SHOC2: variants seen among roughly 807,000 people sequenced by gnomAD.
SHOC2 encodes leucine-rich repeat protein SHOC-2.
Under a neutral mutation model 50.2 loss-of-function variants are expected in SHOC2, and 4 were observed. The ratio of observed to expected loss-of-function variants is 0.08; its 90% CI spans 0.04 to 0.18. The LOEUF (loss-of-function observed/expected upper bound fraction) is 0.18, where lower values mean the gene tolerates loss of function less well. Ranked by LOEUF, SHOC2 falls within the 10% of genes least tolerant of loss-of-function variation. The pLI, the probability that SHOC2 is intolerant of heterozygous loss-of-function variation, is 1.00. For missense variants in SHOC2, 388 were observed against 669.6 expected, an observed-to-expected ratio of 0.58 and a Z score of 4.64; for synonymous variants, 218 against 244.5, an observed-to-expected ratio of 0.89 and a Z score of 1.01.
intron 1 of SHOC2, among the ~76,000 whole-genome samples, chr10:110,940,440 G>A (rs1299019521): frequency 6.6e-6 from 1 of 152,150 alleles, no homozygotes; most frequent in Non-Finnish European, 1.5e-5. Flanking sequence ...TCAAAAGTCA[G>A]CATATACGTG....
intron 1 of SHOC2, among the ~76,000 whole-genome samples, chr10:110,924,353 A>C (rs1202765078): frequency 6.6e-6 from 1 of 152,210 alleles, no homozygotes; most frequent in Non-Finnish European, 1.5e-5. Flanking sequence ...TAAGACTCAC[A>C]CTGCACGTAT....
intron 6 of SHOC2, among the ~76,000 whole-genome samples, chr10:111,008,793 A>G (rs1165605668): frequency 6.6e-6 from 1 of 152,112 alleles, no homozygotes; most frequent in Non-Finnish European, 1.5e-5. Context: ...AACAAAGGCT[A>G]TCTTCTCTGC....
intron 2 of SHOC2, among the ~76,000 whole-genome samples, chr10:110,966,172 T>C (rs552304301): frequency 3.9e-5 from 6 of 152,258 alleles, no homozygotes; most frequent in African/African-American, 1.2e-4. Context: ...AGGTATGACT[T>C]GTTACATTTA....
intron 3 of SHOC2, among the ~76,000 whole-genome samples, chr10:110,991,715 T>C (rs1848189630): frequency 6.6e-6 from 1 of 152,236 alleles, no homozygotes; most frequent in South Asian, 2.1e-4. Flanking sequence ...CTTTGACGTT[T>C]GGGTCTTGGT....
chr10:110,993,167 G>A lies in SHOC2; in HGVS notation c.842-7248G>A, dbSNP rs1014413989. Reference sequence around the variant, plus strand: ...CAGTGATTGGCAGTGATCAGCCTACGTTTATATACAGGAGCTCAGCAACAA... The same window carrying A: ...CAGTGATTGGCAGTGATCAGCCTACATTTATATACAGGAGCTCAGCAACAA... On this transcript the variant is annotated intron_variant, in intron 3 of 8. Coordinates refer to ENST00000369452, the MANE Select transcript of SHOC2 (RefSeq NM_007373.4). Among the ~76,000 whole-genome samples the A allele has an allele frequency of 1.6e-4, 25 of 152,138 alleles. No individual in the cohort carries two copies. The East Asian group carries it at 2.9e-3, about 18-fold the overall frequency.
At chr10:110,976,436 C>T (rs185649218) in intron 2 of SHOC2, among the ~76,000 whole-genome samples, 128 of 151,772 alleles carry the variant, frequency 8.4e-4, no homozygotes, top group Non-Finnish European at 1.3e-3. Context: ...CTCAGCCTCC[C>T]GAGTCGCTGG....
chr10:110,990,968 G>A (rs1269921881), intron 3 of SHOC2, among the ~76,000 whole-genome samples: 1 of 152,072 alleles, frequency 6.6e-6, no homozygotes, highest in East Asian at 1.9e-4. Context: ...CTAGCCTTGA[G>A]ATCTTTGTGC....
At chr10:111,008,218 T>C (rs1465487606) in intron 6 of SHOC2, among the ~76,000 whole-genome samples, 3 of 149,862 alleles carry the variant, frequency 2.0e-5, no homozygotes, top group Admixed American at 6.7e-5. Flanking sequence ...CCATCTTATT[T>C]TCACCTCTTC....
At chr10:110,943,688 C>T (rs906444830) in intron 1 of SHOC2, among the ~76,000 whole-genome samples, 2 of 152,272 alleles carry the variant, frequency 1.3e-5, no homozygotes, top group East Asian at 3.9e-4. Context: ...TGAAACCTTG[C>T]TAACTCACTA....
chr10:110,947,696 G>A (rs1590791270), intron 1 of SHOC2, among the ~76,000 whole-genome samples: 2 of 150,212 alleles, frequency 1.3e-5, no homozygotes, highest in Admixed American at 1.3e-4. Context: ...ACTACAAGAT[G>A]TCTTATATAC....
rs768556443 is a variant in SHOC2, at chr10:110,937,242, G to A, written c.-235+17585G>A. 2.8e-6 allele frequency: 3 copies of A among 1,069,768 alleles called. No homozygotes were observed. The East Asian group carries it at 7.1e-5, about 25-fold the overall frequency. The allele number at this position is 1,069,768 out of a possible 1,614,324, so 66.3% of individuals were successfully genotyped here. On this transcript the variant is annotated intron_variant, in intron 1 of 8. Coordinates refer to ENST00000369452, the MANE Select transcript of SHOC2 (RefSeq NM_007373.4). ...ACCTGCACCTCTGCCATCTTCGGCT[G>A]CCCCTTGGGAAAGCTGCTTTTTTTT...
rs1269876229 is a variant in SHOC2 at position 111,009,233 on chromosome 10, A to G, written c.1285-15A>G. On this transcript the variant is annotated splice_polypyrimidine_tract_variant and intron_variant, in intron 6 of 8. Coordinates refer to ENST00000369452, the MANE Select transcript of SHOC2 (RefSeq NM_007373.4). The stretch of plus-strand genomic sequence containing the variant: ...TTTCATGATTTCCTAAACATTATCA[A>G]TAATTTCTCATTAGGTTCTTATCTT... The G allele has an allele frequency of 2.7e-6, 4 of 1,504,424 alleles. No individual in the cohort carries two copies. Among genetic ancestry groups the G allele is most frequent in the African/African-American group, 1.4e-5 (1 of 72,752 alleles). The allele number at this position is 1,504,424 out of a possible 1,614,324, so 93.2% of individuals were successfully genotyped here. A position where few individuals can be genotyped will look rare whatever the true frequency, so the allele number is the denominator to read the frequency against.
intron 1 of SHOC2, among the ~76,000 whole-genome samples, chr10:110,942,991 C>T (rs1423316611): frequency 6.6e-6 from 1 of 152,118 alleles, no homozygotes; most frequent in African/African-American, 2.4e-5. Context: ...TGAGTTTTTT[C>T]ATCCTCAGTT....
At chr10:110,977,353 G>T (rs1451549638) in intron 2 of SHOC2, among the ~76,000 whole-genome samples, 1 of 152,012 alleles carries the variant, frequency 6.6e-6, no homozygotes, top group African/African-American at 2.4e-5. Context: ...CTGGGTTCAA[G>T]CGATTCTCCT....
chr10:111,013,263 A>T lies in SHOC2; in HGVS notation c.*1445A>T, dbSNP rs796796451. 2.0e-5 allele frequency: 3 copies of T among 151,786 alleles called. No individual in the cohort carries two copies. The highest frequency in any genetic ancestry group is 6.6e-5 in the Admixed American group (1 of 15,250). 9.4% of individuals were successfully genotyped at this position (151,786 alleles called of 1,614,324 possible). On this transcript the variant is annotated 3_prime_UTR_variant, in exon 9 of 9. Coordinates refer to ENST00000369452, the MANE Select transcript of SHOC2 (RefSeq NM_007373.4). Reference sequence around the variant, plus strand: ...TCATCCTAAAAAACACTTCATATATAATTAATCACTATTTTGTATAATTAC... The same window carrying T: ...TCATCCTAAAAAACACTTCATATATTATTAATCACTATTTTGTATAATTAC...
intron 3 of SHOC2, among the ~76,000 whole-genome samples, chr10:110,996,100 G>A (rs1266819276): frequency 3.3e-5 from 5 of 152,182 alleles, no homozygotes; most frequent in Admixed American, 3.3e-4. Flanking sequence ...ACTATGTCTT[G>A]TGTGGCACTA....
chr10:110,943,878 G>A lies in SHOC2; in HGVS notation c.-234-20247G>A, dbSNP rs1344409930. Among the ~76,000 whole-genome samples the A allele has an allele frequency of 2.6e-5, 4 of 152,292 alleles. No homozygotes were observed. The East Asian group carries it at 7.7e-4, about 29-fold the overall frequency. The stretch of plus-strand genomic sequence containing the variant: ...TTCTATGGATCAGTTTTAACAGTCT[G>A]CATTCTCCTTTTCTTCTTGGCAACC... On this transcript the variant is annotated intron_variant, in intron 1 of 8. Transcript: ENST00000369452.
chr10:110,977,594 A>G (rs1442604139), intron 2 of SHOC2, among the ~76,000 whole-genome samples: 1 of 152,102 alleles, frequency 6.6e-6, no homozygotes, highest in African/African-American at 2.4e-5. Context: ...ACATTTTCAC[A>G]TTGTTGAGTC....
chr10:110,928,686 C>T (rs980963128), intron 1 of SHOC2, among the ~76,000 whole-genome samples: 9 of 151,670 alleles, frequency 5.9e-5, no homozygotes, highest in African/African-American at 1.9e-4. Flanking sequence ...GCTTGACTCA[C>T]AAGTTTGAGA....
Sources: allele counts gnomAD v4.1 joint callset (sites outside exome capture counted in the v4.1 genomes callset), GRCh38; gene constraint gnomAD v4.1.1; transcripts MANE v1.5; gene names NCBI Gene and HGNC (gene_info 2026-07-23, HGNC 2026-07-21).